Variants in LRBA observed in about 807,000 individuals in gnomAD.
LRBA encodes the protein LPS responsive beige-like anchor protein.
LRBA carries 176 observed loss-of-function variants against 330.0 expected under a neutral mutation model. The ratio of observed to expected loss-of-function variants is 0.53; its 90% confidence interval spans 0.47 to 0.60. The LOEUF (loss-of-function observed/expected upper bound fraction) is 0.60, where lower values mean the gene tolerates loss of function less well. Among genes scored for constraint, LRBA ranks in the 20% least tolerant of loss-of-function variants. LRBA has a pLI of 0.00. For synonymous variants in LRBA, 1,230 were observed against 1,193.0 expected, an observed-to-expected ratio of 1.03 and a Z score of -0.64; for missense variants, 3,259 against 3,444.8, an observed-to-expected ratio of 0.95 and a Z score of 1.35.
intron 47 of LRBA, among the ~76,000 whole-genome samples, chr4:150,413,032 TTAA>T (rs1747235731): frequency 6.6e-6 from 1 of 151,564 alleles, no homozygotes; most frequent in Non-Finnish European, 1.5e-5. Context: ...ACAACCCAAT[TTAA>T]AAACAGGCAA....
intron 2 of LRBA, among the ~76,000 whole-genome samples, chr4:151,003,884 GCTGT>G (rs1176280230): frequency 1.5e-5 from 2 of 129,352 alleles, no homozygotes; most frequent in Non-Finnish European, 3.2e-5. Context: ...ATAGCCAACT[GCTGT>G]GTGTGTGTGT....
chr4:150,391,312 CT>C (rs1200191252), intron 47 of LRBA, among the ~76,000 whole-genome samples: 1 of 152,162 alleles, frequency 6.6e-6, no homozygotes, highest in African/African-American at 2.4e-5. Context: ...CCAGTTCAGA[CT>C]TTTACTTCAG....
At position 150,565,822 on chromosome 4, in the gene LRBA, C is replaced by A. The variant is rs568642881; in HGVS notation, c.6330+22226G>T. Among the ~76,000 whole-genome samples, 8 of 152,150 alleles carry A rather than the reference C, an allele frequency of 5.3e-5. No individual in the cohort carries two copies. In the South Asian group the frequency reaches 1.7e-3, roughly 32 times the overall value. The stretch of plus-strand genomic sequence containing the variant: ...TGTTTAAATTTACTGAATAAAGACA[C>A]CAATTAAGAAAATTAAACCCCTAAA... On this transcript the variant is annotated intron_variant, in intron 40 of 56. Transcript: ENST00000651943.
At chr4:150,802,219 C>CAA (rs1268001116) in intron 33 of LRBA, among the ~76,000 whole-genome samples, 6 of 54,614 alleles carry the variant, frequency 1.1e-4, no homozygotes, top group Admixed American at 4.0e-4. Context: ...GACTCAGTCT[C>CAA]AAAAAAAAAA....
chr4:150,717,682 T>TAATAATAATAATAATAAC (rs1728410592), intron 36 of LRBA, among the ~76,000 whole-genome samples: 1 of 146,918 alleles, frequency 6.8e-6, no homozygotes, highest in Non-Finnish European at 1.5e-5. Context: ...ATAGTAATAA[T>TAATAATAATAATAATAAC]AATAATAATA....
At chr4:150,965,688 T>C (rs1389326334) in intron 2 of LRBA, among the ~76,000 whole-genome samples, 2 of 151,214 alleles carry the variant, frequency 1.3e-5, no homozygotes, top group African/African-American at 2.4e-5. Flanking sequence ...TATAGGCACA[T>C]ACGACCATGC....
intron 34 of LRBA, among the ~76,000 whole-genome samples, chr4:150,766,742 G>A (rs1042473893): frequency 6.6e-6 from 1 of 152,100 alleles, no homozygotes; most frequent in Non-Finnish European, 1.5e-5. Context: ...AAAGGTCTTG[G>A]TTATCCTTCT....
chr4:150,292,392 T>C (rs915234271), intron 53 of LRBA, among the ~76,000 whole-genome samples: 3 of 152,234 alleles, frequency 2.0e-5, no homozygotes, highest in African/African-American at 7.2e-5. Flanking sequence ...CAGATCACTT[T>C]GAAATGCAGT....
chr4:150,557,248 T>C (rs945970237), intron 40 of LRBA, among the ~76,000 whole-genome samples: 1 of 152,170 alleles, frequency 6.6e-6, no homozygotes, highest in Non-Finnish European at 1.5e-5. Flanking sequence ...TGACCACCAG[T>C]GAATTATTAA....
At chr4:150,643,565 C>G (rs1778874869) in intron 37 of LRBA, among the ~76,000 whole-genome samples, 1 of 151,894 alleles carries the variant, frequency 6.6e-6, no homozygotes, top group Non-Finnish European at 1.5e-5. Context: ...AGTTCTAATA[C>G]AGGAGCATGG....
intron 40 of LRBA, among the ~76,000 whole-genome samples, chr4:150,559,574 A>G (rs1006311226): frequency 8.3e-6 from 1 of 120,854 alleles, no homozygotes; most frequent in Admixed American, 1.2e-4. Context: ...ATAAATATAT[A>G]AATATATAAA....
intron 46 of LRBA, among the ~76,000 whole-genome samples, chr4:150,421,910 C>T (rs561043288): frequency 6.6e-6 from 1 of 152,120 alleles, no homozygotes; most frequent in Non-Finnish European, 1.5e-5. Context: ...ATGACTTTTC[C>T]TGCTTTCAAA....
intron 2 of LRBA, among the ~76,000 whole-genome samples, chr4:150,982,602 CA>C (rs202226194): frequency 0.22 from 25,312 of 116,832 alleles, 3,775 homozygotes; most frequent in African/African-American, 0.46. Flanking sequence ...TTGTATTTGC[CA>C]AAAAAAAAAA....
intron 40 of LRBA, among the ~76,000 whole-genome samples, chr4:150,586,532 G>A (rs1177369377): frequency 6.6e-6 from 1 of 152,042 alleles, no homozygotes; most frequent in Non-Finnish European, 1.5e-5. Flanking sequence ...AATATAAATT[G>A]GCAGGAGTTT....
chr4:150,417,327 C>A lies in LRBA; in HGVS notation c.7042-1737G>T, dbSNP rs116057522. On this transcript the variant is annotated intron_variant, in intron 46 of 56. Transcript: ENST00000651943. ...TATATAATTTTCTAGTATTAATTTG[C>A]CCAAGTGTGTATTCAATTAATTTCC... 6.3e-3 allele frequency among the ~76,000 whole-genome samples: 961 copies of A among 151,830 alleles called. 11 individuals are homozygous for A. Among genetic ancestry groups the A allele is most frequent in the African/African-American group, 0.022 (915 of 41,380 alleles).
intron 36 of LRBA, among the ~76,000 whole-genome samples, chr4:150,704,197 G>C (rs1355372751): frequency 1.3e-5 from 2 of 152,056 alleles, no homozygotes; most frequent in Non-Finnish European, 2.9e-5. Context: ...CTAAACCACA[G>C]AGCCAGACGC....
At chr4:150,790,536 TTATAA>T (rs1350473409) in intron 34 of LRBA, among the ~76,000 whole-genome samples, 3 of 152,248 alleles carry the variant, frequency 2.0e-5, no homozygotes, top group African/African-American at 4.8e-5. Flanking sequence ...TGTTTCCACC[TTATAA>T]TAGAAAGTTA....
chr4:150,822,697 T>A (rs956771640), intron 30 of LRBA, among the ~76,000 whole-genome samples: 1 of 152,108 alleles, frequency 6.6e-6, no homozygotes, highest in Non-Finnish European at 1.5e-5. Context: ...GAGGCTGCAG[T>A]GAGCTATGAC....
At chr4:150,927,014 T>C (rs1733948744) in intron 4 of LRBA, among the ~76,000 whole-genome samples, 1 of 148,176 alleles carries the variant, frequency 6.7e-6, no homozygotes, top group Non-Finnish European at 1.5e-5. Context: ...GAGGTTGCAG[T>C]GAGCAGAGAT....
Sources: gnomAD v4.1 joint callset for allele counts (sites outside exome capture counted in the v4.1 genomes callset) on GRCh38, gnomAD v4.1.1 for gene constraint, MANE v1.5 for transcripts, NCBI Gene and HGNC (gene_info 2026-07-23, HGNC 2026-07-21) for gene names.